Variants in LPP observed in about 807,000 individuals in gnomAD.
LPP encodes lipoma-preferred partner.
LPP carries 38 observed loss-of-function variants against 60.4 expected under a neutral mutation model. The observed-to-expected ratio is 0.63, with a 90% CI of 0.49 to 0.83. LPP has a LOEUF of 0.83. Among genes scored for constraint, LPP ranks in the 40% least tolerant of loss-of-function variants. The pLI is 0.00. For missense variants in LPP, 902 were observed against 783.6 expected, an observed-to-expected ratio of 1.15 and a Z score of -1.80; for synonymous variants, 328 against 290.8, an observed-to-expected ratio of 1.13 and a Z score of -1.30.
At chr3:188,459,524 T>C (rs1333080407) in intron 4 of LPP, among the ~76,000 whole-genome samples, 1 of 152,142 alleles carries the variant, frequency 6.6e-6, no homozygotes, top group Non-Finnish European at 1.5e-5. Context: ...GGAAGAAGAA[T>C]TTACGTAGCA....
Position 188,456,425 on chromosome 3 carries a change from G to A in LPP, c.194-28167G>A, listed in dbSNP as rs115920640. On this transcript the variant is annotated intron_variant, in intron 4 of 11. Coordinates refer to ENST00000617246, the MANE Select transcript of LPP (RefSeq NM_001375462.1). ...TGACTGTAACATAGAGAGCGATAAC[G>A]TTATAAAAGAAACACAGGTATGTTA... 4.1e-3 allele frequency among the ~76,000 whole-genome samples: 619 copies of A among 152,286 alleles called. 5 individuals are homozygous for A. Among genetic ancestry groups the A allele is most frequent in the African/African-American group, 0.014 (566 of 41,556 alleles).
chr3:188,781,225 T>C (rs1393316808), intron 9 of LPP, among the ~76,000 whole-genome samples: 2 of 152,208 alleles, frequency 1.3e-5, no homozygotes, highest in Non-Finnish European at 2.9e-5. Context: ...CCTTTAGCAA[T>C]ATGTACTACA....
intron 2 of LPP, among the ~76,000 whole-genome samples, chr3:188,333,432 C>T (rs1031660953): frequency 1.3e-5 from 2 of 152,164 alleles, no homozygotes; most frequent in Non-Finnish European, 2.9e-5. Flanking sequence ...ATACTAGGAA[C>T]AGTATCAGTT....
In LPP at chr3:188,887,000, T is replaced by C. The variant is rs1026987198; in HGVS notation, c.*12521T>C. 2 of 231,382 alleles carry C rather than the reference T, an allele frequency of 8.6e-6. No individual in the cohort carries two copies. The highest frequency in any genetic ancestry group is 2.2e-5 in the African/African-American group (1 of 45,230). The allele number at this position is 231,382 out of a possible 1,614,324, so 14.3% of individuals were successfully genotyped here. A position where few individuals can be genotyped will look rare whatever the true frequency, so the allele number is the denominator to read the frequency against. ...TCTCATGCGTGATTCTCTCTTTATA[T>C]TTCTATCTGTTGGGAAAAGGGTAAA... On this transcript the variant is annotated 3_prime_UTR_variant, in exon 12 of 12. Coordinates refer to ENST00000617246, the MANE Select transcript of LPP (RefSeq NM_001375462.1).
chr3:188,387,433 G>A (rs1246307489), intron 3 of LPP, among the ~76,000 whole-genome samples: 1 of 152,170 alleles, frequency 6.6e-6, no homozygotes, highest in East Asian at 1.9e-4. Flanking sequence ...TTCATTGAGT[G>A]ATTGTGCCAT....
intron 5 of LPP, among the ~76,000 whole-genome samples, chr3:188,521,187 A>G (rs919384409): frequency 2.0e-5 from 3 of 152,036 alleles, no homozygotes; most frequent in Non-Finnish European, 4.4e-5. Context: ...CTCCCCTCTC[A>G]CCCCACGCTC....
rs114199754 is a variant in LPP, at chr3:188,362,656, G to A, written c.-10+20937G>A. Among the ~76,000 whole-genome samples, 825 of 152,298 alleles carry A rather than the reference G, an allele frequency of 5.4e-3. 14 individuals are homozygous for A. Among genetic ancestry groups the A allele is most frequent in the African/African-American group, 0.018 (744 of 41,558 alleles). ...ACGTTTTCTCTTCTTCAGGCTCTGA[G>A]TCATCGAGTTCACAATGCCATGTCT... is the stretch of plus-strand genomic sequence containing the variant. On this transcript the variant is annotated intron_variant, in intron 3 of 11. Transcript: ENST00000617246.
At chr3:188,459,975 A>G (rs1798629567) in intron 4 of LPP, among the ~76,000 whole-genome samples, 1 of 152,194 alleles carries the variant, frequency 6.6e-6, no homozygotes, top group Non-Finnish European at 1.5e-5. Flanking sequence ...TCAAGGAAAT[A>G]CTGTCGAAGA....
intron 6 of LPP, among the ~76,000 whole-genome samples, chr3:188,577,762 T>TTCCTTCCTTCCTTCTG (rs1835039369): frequency 4.2e-5 from 6 of 141,846 alleles, no homozygotes; most frequent in Admixed American, 3.6e-4. Flanking sequence ...CGTTCCTTCG[T>TTCCTTCCTTCCTTCTG]TCCTTCCTTC....
intron 3 of LPP, among the ~76,000 whole-genome samples, chr3:188,372,133 C>T (rs184809713): frequency 1.2e-4 from 19 of 152,112 alleles, no homozygotes; most frequent in African/African-American, 4.3e-4. Flanking sequence ...CTTCCATGCC[C>T]AACCCAAGTG....
intron 6 of LPP, among the ~76,000 whole-genome samples, chr3:188,576,399 A>G (rs1029698699): frequency 6.6e-6 from 1 of 152,154 alleles, no homozygotes; most frequent in Non-Finnish European, 1.5e-5. Flanking sequence ...TTCATTCTGC[A>G]TAACACACAT....
At chr3:188,467,838 C>T (rs1181178548) in intron 4 of LPP, among the ~76,000 whole-genome samples, 1 of 152,102 alleles carries the variant, frequency 6.6e-6, no homozygotes, top group Non-Finnish European at 1.5e-5. Context: ...GAAAGGAATG[C>T]TGCCCTGCCA....
intron 3 of LPP, among the ~76,000 whole-genome samples, chr3:188,345,644 A>G (rs1391303671): frequency 1.3e-5 from 2 of 152,082 alleles, no homozygotes; most frequent in African/African-American, 2.4e-5. Flanking sequence ...ACCCTTTCAG[A>G]CCCTTCTCTC....
At chr3:188,203,531 ATATTTAAATATATATATATT>A (rs1232564294) in intron 1 of LPP, among the ~76,000 whole-genome samples, 4 of 89,002 alleles carry the variant, frequency 4.5e-5, no homozygotes, top group Non-Finnish European at 5.9e-5. Flanking sequence ...ATATAAATAT[ATATTTAAATATATATATATT>A]TTTAAATATA....
intron 3 of LPP, among the ~76,000 whole-genome samples, chr3:188,395,705 C>T (rs1045236780): frequency 3.9e-5 from 6 of 151,936 alleles, no homozygotes; most frequent in East Asian, 1.9e-4. Flanking sequence ...GTGAGAGCAC[C>T]GCTTGAGCCC....
chr3:188,640,323 T>A (rs1452698247), intron 7 of LPP, among the ~76,000 whole-genome samples: 4 of 139,070 alleles, frequency 2.9e-5, no homozygotes, highest in African/African-American at 1.1e-4. Context: ...AACAATGAGA[T>A]CACATGGACA....
upstream of LPP, chr3:188,153,956 G>T: frequency 6.5e-6 from 1 of 152,748 alleles, no homozygotes; most frequent in South Asian, 2.0e-4. Flanking sequence ...GTTCGTTCCC[G>T]GGTCCCGCGC....
At chr3:188,656,762 G>A (rs906817936) in intron 7 of LPP, among the ~76,000 whole-genome samples, 4 of 152,142 alleles carry the variant, frequency 2.6e-5, no homozygotes, top group Non-Finnish European at 4.4e-5. Context: ...GAAGCCTTCT[G>A]GCTTGAAGGA....
chr3:188,369,107 T>G (rs1018311069), intron 3 of LPP, among the ~76,000 whole-genome samples: 1 of 152,110 alleles, frequency 6.6e-6, no homozygotes, highest in Admixed American at 6.5e-5. Flanking sequence ...TCTTTCTTCT[T>G]TCTCCACTGC....
Sources: gnomAD v4.1 joint callset for allele counts (sites outside exome capture counted in the v4.1 genomes callset) on GRCh38, gnomAD v4.1.1 for gene constraint, MANE v1.5 for transcripts, NCBI Gene and HGNC (gene_info 2026-07-23, HGNC 2026-07-21) for gene names.